P2RY14: variants seen among roughly 807,000 people sequenced by gnomAD.
P2RY14 encodes purinergic receptor P2Y14.
In P2RY14, 2 loss-of-function variants were observed where a neutral mutation model predicts 0.9. That is an observed-to-expected ratio of 2.16 (90% CI 0.88 to 6.79). The LOEUF is 6.79. P2RY14 is among the 30% of genes most tolerant of loss of function. The pLI is 0.05. For missense variants in P2RY14, 378 were observed against 400.1 expected (o/e 0.94, Z 0.47); for synonymous variants, 158 against 147.2 (o/e 1.07, Z -0.53).
chr3:151,275,827 G>C (rs1256863317), intron 1 of P2RY14, among the ~76,000 whole-genome samples: 1 of 152,110 alleles, frequency 6.6e-6, no homozygotes, highest in Admixed American at 6.6e-5. Context: ...CATTAAGATA[G>C]GATATTTTTA....
intron 1 of P2RY14, among the ~76,000 whole-genome samples, chr3:151,238,770 T>C (rs373340518): frequency 1.3e-5 from 2 of 152,238 alleles, no homozygotes; most frequent in East Asian, 3.8e-4. Context: ...CATAAAAATA[T>C]CTTTTTAATA....
At chr3:151,260,658 T>A (rs1738693662) in intron 1 of P2RY14, among the ~76,000 whole-genome samples, 1 of 152,198 alleles carries the variant, frequency 6.6e-6, no homozygotes, top group Admixed American at 6.5e-5. Flanking sequence ...GCCCTAAAGC[T>A]GGTTTTTAAT....
At chr3:151,247,675 T>G (rs1735909276) in intron 1 of P2RY14, among the ~76,000 whole-genome samples, 1 of 144,854 alleles carries the variant, frequency 6.9e-6, no homozygotes, top group Non-Finnish European at 1.5e-5. Flanking sequence ...GACGAGTTAG[T>G]GGGTGCAGTG....
intron 1 of P2RY14, chr3:151,248,727 T>G (rs1244871270): frequency 6.6e-6 from 1 of 152,164 alleles, no homozygotes; most frequent in Non-Finnish European, 1.5e-5. Context: ...TTTGGAAAAG[T>G]CTTGCATAGC....
chr3:151,214,238 C>T lies in P2RY14; in HGVS notation c.79G>A (p.Val27Met), dbSNP rs762841768. 1 of 1,613,930 alleles carries T rather than the reference C, an allele frequency of 6.2e-7. No homozygotes were observed. The highest frequency in any genetic ancestry group is 8.5e-7 in the Non-Finnish European group (1 of 1,179,866). Residue 27 changes from valine (V) to methionine (M), a missense_variant, in exon 3 of 3, where the codon GTG becomes ATG. Physicochemically the swap from Val to Met is conservative, Grantham distance 21. Transcript: ENST00000309170. ...NLLITQQIIPVLYCMVFIAGI... is the reference protein window; with the variant it reads ...NLLITQQIIPMLYCMVFIAGI... ...GCAATGAAGACCATACAGTACAGCA[C>T]AGGAATGATCTGCTGAGTGATCAGG...
At chr3:151,278,178 A>G (rs1019407448) in intron 1 of P2RY14, 109 bp downstream of exon 1, 4 of 152,228 alleles carry the variant, frequency 2.6e-5, no homozygotes, top group East Asian at 1.9e-4. Flanking sequence ...GTGAGTGGCA[A>G]TGGTTCAGTG....
chr3:151,246,018 C>A (rs1735372471), intron 1 of P2RY14, among the ~76,000 whole-genome samples: 1 of 150,818 alleles, frequency 6.6e-6, no homozygotes, highest in East Asian at 2.0e-4. Context: ...CTCCCATTCA[C>A]AATTGCTTCA....
intron 1 of P2RY14, among the ~76,000 whole-genome samples, chr3:151,275,173 G>A (rs950463444): frequency 3.3e-5 from 5 of 152,086 alleles, no homozygotes; most frequent in African/African-American, 1.2e-4. Context: ...GAAAATAATT[G>A]CGTGTGTATG....
rs371232509 is a variant in P2RY14 at position 151,275,526 on chromosome 3, A to G, written c.-133+2761T>C. On this transcript the variant is annotated intron_variant, in intron 1 of 2. Coordinates refer to ENST00000309170, the MANE Select transcript of P2RY14 (RefSeq NM_014879.4). ...AAGGAATCTAATCAGATCTAAAAGC[A>G]TATGACCAGTATTTCACTTTGACTT... is the stretch of plus-strand genomic sequence containing the variant. Among the ~76,000 whole-genome samples the G allele has an allele frequency of 4.3e-4, 65 of 152,352 alleles. 1 individual carries two copies. The highest frequency in any genetic ancestry group is 1.5e-3 in the African/African-American group (63 of 41,588).
chr3:151,260,608 A>G (rs1200165678), intron 1 of P2RY14, among the ~76,000 whole-genome samples: 1 of 152,082 alleles, frequency 6.6e-6, no homozygotes, highest in Non-Finnish European at 1.5e-5. Context: ...GCCACAGTCT[A>G]CCAACATGCT....
At chr3:151,256,301 C>G (rs1017119884) in intron 1 of P2RY14, among the ~76,000 whole-genome samples, 20 of 152,292 alleles carry the variant, frequency 1.3e-4, no homozygotes, top group African/African-American at 4.8e-4. Flanking sequence ...ATGGGGCACA[C>G]ATGATGGAGT....
At chr3:151,244,229 A>T (rs1158497931) in intron 1 of P2RY14, among the ~76,000 whole-genome samples, 28 of 136,216 alleles carry the variant, frequency 2.1e-4, no homozygotes, top group Admixed American at 1.2e-3. Context: ...GTCAACAAGG[A>T]TACCCAGGAA....
Position 151,213,560 on chromosome 3 carries a change from T to C in P2RY14, c.757A>G (p.Arg253Gly), listed in dbSNP as rs868480435. ...FVCFVPYHIA[R>G]IPYTKSQTEA... ...GTCTGACTCTTTGTGTAGGGGATTC[T>C]GGCAATATGGTAAGGTACAAAACAG... is the stretch of plus-strand genomic sequence containing the variant. The change falls in exon 3 of 3, where the codon AGA becomes GGA. Residue 253 changes from arginine (R) to glycine (G), a missense_variant. By Grantham distance (125) the Arg-to-Gly change is moderately radical (BLOSUM62 -2). Transcript: ENST00000309170. The C allele has an allele frequency of 6.2e-7, 1 of 1,614,118 alleles. No individual in the cohort carries two copies. Among genetic ancestry groups the C allele is most frequent in the African/African-American group, 1.3e-5 (1 of 74,956 alleles).
chr3:151,257,396 G>A (rs1738020395), intron 1 of P2RY14, among the ~76,000 whole-genome samples: 1 of 152,206 alleles, frequency 6.6e-6, no homozygotes, highest in Non-Finnish European at 1.5e-5. Context: ...ATGATTAAGA[G>A]CATTGTCTCC....
At position 151,213,029 on chromosome 3, in the gene P2RY14, T is replaced by A. The variant is rs2149217388; in HGVS notation, c.*271A>T. ...AGACTAGTGGTTATAAACTTTAACTTATTTTAATATAATAGAATTGAATAA... is the reference window on the plus strand; with the variant it reads ...AGACTAGTGGTTATAAACTTTAACTAATTTTAATATAATAGAATTGAATAA... On this transcript the variant is annotated 3_prime_UTR_variant, in exon 3 of 3. Coordinates refer to ENST00000309170, the MANE Select transcript of P2RY14 (RefSeq NM_014879.4). 1 of 201,782 alleles carries A rather than the reference T, an allele frequency of 5.0e-6. No homozygotes were observed. The highest frequency in any genetic ancestry group is 1.6e-4 in the South Asian group (1 of 6,146). 12.5% of individuals were successfully genotyped at this position (201,782 alleles called of 1,614,324 possible). A position where few individuals can be genotyped will look rare whatever the true frequency, so the allele number is the denominator to read the frequency against.
chr3:151,213,989 C>T lies in P2RY14; in HGVS notation c.328G>A (p.Val110Met). 1 of 1,614,070 alleles carries T rather than the reference C, an allele frequency of 6.2e-7. No individual in the cohort carries two copies. The highest frequency in any genetic ancestry group is 8.5e-7 in the Non-Finnish European group (1 of 1,179,964). ...TCAAAGCTGATGAGCCCAAAGAACA[C>T]AATGCTGACGTACATGTTGACGTAG... is the stretch of plus-strand genomic sequence containing the variant. ...LFYVNMYVSI[V>M]FFGLISFDRY... The change falls in exon 3 of 3, where the codon GTG becomes ATG. Residue 110 changes from valine to methionine, a missense_variant. Val to Met is a conservative substitution (Grantham distance 21, BLOSUM62 1). Transcript: ENST00000309170.
chr3:151,224,242 ATT>A (rs1189922426), intron 1 of P2RY14, among the ~76,000 whole-genome samples: 1 of 151,770 alleles, frequency 6.6e-6, no homozygotes, highest in African/African-American at 2.4e-5. Flanking sequence ...ACTTTTATAT[ATT>A]TTTTTTCCTT....
chr3:151,257,249 G>GTA (rs1401344501), intron 1 of P2RY14, among the ~76,000 whole-genome samples: 1 of 152,216 alleles, frequency 6.6e-6, no homozygotes, highest in Admixed American at 6.5e-5. Flanking sequence ...TCAGTTTACT[G>GTA]TATGCCAGTT....
In P2RY14 at chr3:151,214,335, A is replaced by G. The variant is rs762536100; in HGVS notation, c.-19T>C. ...TGATCATCTTGTAACTTCTGAAGGCAGAGGCCTGAAAAGAGGTGTGAACTG... is the reference window on the plus strand; with the variant it reads ...TGATCATCTTGTAACTTCTGAAGGCGGAGGCCTGAAAAGAGGTGTGAACTG... On this transcript the variant is annotated 5_prime_UTR_variant, in exon 3 of 3. Coordinates refer to ENST00000309170, the MANE Select transcript of P2RY14 (RefSeq NM_014879.4). 2.5e-6 allele frequency: 4 copies of G among 1,604,296 alleles called. No homozygotes were observed. The Admixed American group carries it at 5.0e-5, about 20-fold the overall frequency.
Sources: allele counts gnomAD v4.1 joint callset (sites outside exome capture counted in the v4.1 genomes callset), GRCh38; gene constraint gnomAD v4.1.1; transcripts MANE v1.5; gene names NCBI Gene and HGNC (gene_info 2026-07-23, HGNC 2026-07-21).